Variants in CMSS1 observed in about 807,000 individuals in gnomAD.
The protein encoded by CMSS1 is cms1 ribosomal small subunit homolog.
CMSS1 carries 33 observed loss-of-function variants against 43.5 expected under a neutral mutation model. The ratio of observed to expected loss-of-function variants is 0.76; its 90% confidence interval spans 0.57 to 1.01. The LOEUF is 1.01. Ranked by LOEUF, CMSS1 falls within the 50% of genes least tolerant of loss-of-function variation. CMSS1 has a pLI of 0.00. For missense variants in CMSS1, 313 were observed against 326.4 expected (o/e 0.96, Z 0.32); for synonymous variants, 115 against 117.2 (o/e 0.98, Z 0.12).
chr3:99,967,871 G>T (rs993118134), intron 1 of CMSS1, among the ~76,000 whole-genome samples: 1 of 152,194 alleles, frequency 6.6e-6, no homozygotes, highest in African/African-American at 2.4e-5. Flanking sequence ...GCTCAGGAAA[G>T]TTAACCTGGT....
At chr3:100,111,831 C>G (rs1464384587) in intron 1 of CMSS1, among the ~76,000 whole-genome samples, 8 of 152,174 alleles carry the variant, frequency 5.3e-5, no homozygotes, top group Non-Finnish European at 1.2e-4. Flanking sequence ...AGTATTTGCA[C>G]TAAAATGTGT....
chr3:99,857,654 G>C (rs192810384), intron 1 of CMSS1, among the ~76,000 whole-genome samples: 62 of 152,248 alleles, frequency 4.1e-4, no homozygotes, highest in Non-Finnish European at 8.1e-4. Flanking sequence ...TCAGATGCTT[G>C]GTCCATAGAA....
At chr3:99,925,877 G>GCCTT (rs1707277575) in intron 1 of CMSS1, 4 of 985,424 alleles carry the variant, frequency 4.1e-6, no homozygotes, top group Non-Finnish European at 4.8e-6. Context: ...TCAGCTCCTG[G>GCCTT]CCTTGAGCTC....
At chr3:99,876,398 C>T (rs1405698547) in intron 1 of CMSS1, among the ~76,000 whole-genome samples, 1 of 152,150 alleles carries the variant, frequency 6.6e-6, no homozygotes, top group Non-Finnish European at 1.5e-5. Flanking sequence ...GGCCGGTGGG[C>T]CGGGGCGCCG....
At chr3:99,831,786 T>G (rs1942676251) in intron 1 of CMSS1, among the ~76,000 whole-genome samples, 1 of 152,216 alleles carries the variant, frequency 6.6e-6, no homozygotes, top group Non-Finnish European at 1.5e-5. Flanking sequence ...TGTCCAGCAA[T>G]TCACATTTTT....
rs142312725 is a variant in CMSS1 at position 99,901,217 on chromosome 3, G to A, written c.64+83174G>A. Among the ~76,000 whole-genome samples the A allele has an allele frequency of 9.3e-4, 142 of 152,310 alleles. 1 individual carries two copies. Among genetic ancestry groups the A allele is most frequent in the East Asian group, 6.7e-3 (35 of 5,188 alleles). On this transcript the variant is annotated intron_variant, in intron 1 of 9. Transcript: ENST00000421999. ...AAGTGTTGTTTAGAAAAACAAAATG[G>A]CTACACGTTGAAATAGGATAGTACC...
chr3:99,853,221 T>G (rs996716952), intron 1 of CMSS1, among the ~76,000 whole-genome samples: 1 of 152,242 alleles, frequency 6.6e-6, no homozygotes. Flanking sequence ...GCAAAGTGCT[T>G]CTTTCTCCTG....
intron 2 of CMSS1, chr3:100,159,796 A>G: frequency 2.4e-6 from 1 of 410,786 alleles, no homozygotes; most frequent in African/African-American, 2.0e-5. Context: ...GGGTCAAGGC[A>G]ACAGGCAAAA....
intron 1 of CMSS1, among the ~76,000 whole-genome samples, chr3:99,958,404 CT>C (rs1287846329): frequency 6.6e-6 from 1 of 151,982 alleles, no homozygotes; most frequent in East Asian, 1.9e-4. Flanking sequence ...CATGAAAAAG[CT>C]GCTACAGTGG....
chr3:100,088,652 T>C (rs1378851615), intron 1 of CMSS1, among the ~76,000 whole-genome samples: 1 of 152,034 alleles, frequency 6.6e-6, no homozygotes, highest in Non-Finnish European at 1.5e-5. Context: ...TTCTCTGCAG[T>C]TTTCTCTCTC....
At chr3:99,953,798 A>G (rs1359163050) in intron 1 of CMSS1, among the ~76,000 whole-genome samples, 1 of 152,182 alleles carries the variant, frequency 6.6e-6, no homozygotes, top group Non-Finnish European at 1.5e-5. Flanking sequence ...CACATAGGCA[A>G]TTAGCTAGCT....
chr3:99,998,472 AC>A (rs752066232), intron 1 of CMSS1, among the ~76,000 whole-genome samples: 24 of 152,314 alleles, frequency 1.6e-4, no homozygotes, highest in East Asian at 1.5e-3. Flanking sequence ...TTAGATTTTT[AC>A]CAAGCACAAT....
intron 1 of CMSS1, among the ~76,000 whole-genome samples, chr3:100,138,462 C>T (rs1309831524): frequency 6.6e-6 from 1 of 152,102 alleles, no homozygotes; most frequent in East Asian, 1.9e-4. Flanking sequence ...GGTCTAATAT[C>T]CAGAATTTAC....
At chr3:99,903,065 T>G (rs964545413) in intron 1 of CMSS1, among the ~76,000 whole-genome samples, 3 of 152,178 alleles carry the variant, frequency 2.0e-5, no homozygotes, top group Non-Finnish European at 2.9e-5. Flanking sequence ...TTTATACTTT[T>G]GTGTCCCTAG....
chr3:99,852,045 A>G (rs918377681), intron 1 of CMSS1, among the ~76,000 whole-genome samples: 3 of 152,122 alleles, frequency 2.0e-5, no homozygotes, highest in Non-Finnish European at 2.9e-5. Flanking sequence ...ATGACATGCT[A>G]TTTTCTTCTT....
intron 1 of CMSS1, among the ~76,000 whole-genome samples, chr3:100,006,155 A>G (rs1336739868): frequency 6.6e-6 from 1 of 152,186 alleles, no homozygotes; most frequent in African/African-American, 2.4e-5. Flanking sequence ...AGGTAGGTAT[A>G]CTGGTGGTTT....
At chr3:99,998,189 T>G (rs1353174127) in intron 1 of CMSS1, among the ~76,000 whole-genome samples, 1 of 152,224 alleles carries the variant, frequency 6.6e-6, no homozygotes, top group Non-Finnish European at 1.5e-5. Flanking sequence ...TGGCAAAAAC[T>G]GCAATTACTT....
chr3:100,148,877 C>T (rs1166004696), intron 2 of CMSS1, among the ~76,000 whole-genome samples: 1 of 151,828 alleles, frequency 6.6e-6, no homozygotes, highest in Non-Finnish European at 1.5e-5. Flanking sequence ...ATATTTTGCT[C>T]AAAGGCCCTA....
chr3:99,922,647 T>C (rs1275951509), intron 1 of CMSS1, among the ~76,000 whole-genome samples: 2 of 152,236 alleles, frequency 1.3e-5, no homozygotes, highest in Non-Finnish European at 2.9e-5. Context: ...CCATTTGAGA[T>C]TGGTTACTTT....
Sources: gnomAD v4.1 joint callset for allele counts (sites outside exome capture counted in the v4.1 genomes callset) on GRCh38, gnomAD v4.1.1 for gene constraint, MANE v1.5 for transcripts, NCBI Gene and HGNC (gene_info 2026-07-23, HGNC 2026-07-21) for gene names.